AK3: variants seen among roughly 807,000 people sequenced by gnomAD.
AK3 encodes the protein GTP:AMP phosphotransferase AK3, mitochondrial.
In AK3, 27 loss-of-function variants were observed where a neutral mutation model predicts 23.7. The observed-to-expected ratio is 1.14, with a 90% confidence interval of 0.84 to 1.57. The LOEUF (loss-of-function observed/expected upper bound fraction) is 1.57, where lower values mean the gene tolerates loss of function less well. Among genes scored for constraint, AK3 ranks in the 40% most tolerant of loss-of-function variants. The probability of loss-of-function intolerance (pLI) is 0.00; values close to 1 mark genes in which losing one functional copy is unlikely to be tolerated. For synonymous variants in AK3, 159 were observed against 116.0 expected (o/e 1.37, Z -2.38); for missense variants, 406 against 285.6 (o/e 1.42, Z -3.04).
At chr9:4,713,993 TAC>T (rs1841637545) in intron 4 of AK3, among the ~76,000 whole-genome samples, 1 of 18,950 alleles carries the variant, frequency 5.3e-5, no homozygotes. Flanking sequence ...CCTACACATA[TAC>T]GCCTACACAT....
chr9:4,722,839 C>G (rs1204889208), intron 1 of AK3, among the ~76,000 whole-genome samples: 2 of 152,152 alleles, frequency 1.3e-5, no homozygotes, highest in Non-Finnish European at 2.9e-5. Context: ...GGTAGATCAC[C>G]TGAGGACAGG....
rs929401691 is a variant in AK3, at chr9:4,740,955, T to A, written c.133A>T (p.Asn45Tyr). The change falls in exon 1 of 5, where the codon AAC becomes TAC. Residue 45 changes from asparagine to tyrosine, a missense_variant. Transcript: ENST00000381809. ...HLSSGDLLRD[N>Y]MLRGTEIGVL... The stretch of plus-strand genomic sequence containing the variant: ...CTCCCACCTGTGCCCCGCAGCATGT[T>A]GTCCCGGAGCAGGTCCCCGCTGGAG... 6.4e-7 allele frequency: 1 copy of A among 1,574,732 alleles called. No individual in the cohort carries two copies. The highest frequency in any genetic ancestry group is 1.4e-5 in the African/African-American group (1 of 70,922).
chr9:4,713,960 A>C (rs1841633891), intron 4 of AK3, among the ~76,000 whole-genome samples: 1 of 151,820 alleles, frequency 6.6e-6, no homozygotes, highest in African/African-American at 2.4e-5. Flanking sequence ...GCCTACACAT[A>C]TACACACCTC....
At chr9:4,714,791 T>G (rs1004212549) in intron 4 of AK3, among the ~76,000 whole-genome samples, 4 of 152,250 alleles carry the variant, frequency 2.6e-5, no homozygotes, top group African/African-American at 9.6e-5. Context: ...TAAAAGGTTT[T>G]TTTTAAAACA....
At chr9:4,719,328 AAAG>A (rs759129226) in intron 2 of AK3, 21 bp from the exon 3 acceptor site, 4 of 1,550,320 alleles carry the variant, frequency 2.6e-6, no homozygotes, top group East Asian at 2.3e-5. Flanking sequence ...TAAAAAAGAA[AAAG>A]AAGAAGAAAA....
chr9:4,721,425 C>A (rs574594017), intron 2 of AK3, among the ~76,000 whole-genome samples: 3,568 of 123,074 alleles, frequency 0.029, 155 homozygotes, highest in African/African-American at 0.11. Context: ...AAAAAAAGTG[C>A]CTACTCCTCA....
At chr9:4,736,380 T>C (rs1481903999) in intron 1 of AK3, among the ~76,000 whole-genome samples, 2 of 151,778 alleles carry the variant, frequency 1.3e-5, no homozygotes, top group Non-Finnish European at 2.9e-5. Context: ...CATTTGATTG[T>C]ATAAGCATAA....
At chr9:4,736,114 C>CAAAA (rs771506489) in intron 1 of AK3, among the ~76,000 whole-genome samples, 1 of 49,112 alleles carries the variant, frequency 2.0e-5, no homozygotes, top group African/African-American at 7.3e-5. Context: ...GACTCCATCT[C>CAAAA]AAAAAAAAAA....
intron 1 of AK3, among the ~76,000 whole-genome samples, chr9:4,739,823 A>G (rs574991777): frequency 1.3e-5 from 2 of 151,960 alleles, no homozygotes; most frequent in Non-Finnish European, 2.9e-5. Context: ...CCCAGCTACT[A>G]GGGAGGCTGA....
Position 4,710,647 on chromosome 9 carries a change from A to G in AK3, c.*2329T>C, listed in dbSNP as rs950485050. The G allele has an allele frequency of 3.9e-5, 6 of 152,172 alleles. No individual in the cohort carries two copies. The highest frequency in any genetic ancestry group is 1.4e-4 in the African/African-American group (6 of 41,430). The allele number at this position is 152,172 out of a possible 1,614,324, so 9.4% of individuals were successfully genotyped here. On this transcript the variant is annotated 3_prime_UTR_variant, in exon 5 of 5. Coordinates refer to ENST00000381809, the MANE Select transcript of AK3 (RefSeq NM_016282.4). ...CAGAATTATTTTTTTGGGTGGGGGC[A>G]GTGGCTTACACCTGTAATCTCAGCA...
rs907270321 is a variant in AK3, at chr9:4,721,333, G to A, written c.271+1173C>T. Among the ~76,000 whole-genome samples the A allele has an allele frequency of 3.3e-5, 5 of 151,266 alleles. No homozygotes were observed. In the East Asian group the frequency reaches 9.8e-4, roughly 30 times the overall value. On this transcript the variant is annotated intron_variant, in intron 2 of 4. Transcript: ENST00000381809. ...CAGGAGAATCACTTGAACTGAGGAG[G>A]AAGAGGTTGCAGTGAGAGGAGATCG... is the stretch of plus-strand genomic sequence containing the variant.
intron 1 of AK3, among the ~76,000 whole-genome samples, chr9:4,734,686 C>G (rs1842229423): frequency 6.6e-6 from 1 of 152,162 alleles, no homozygotes; most frequent in African/African-American, 2.4e-5. Flanking sequence ...TAAAATTGTT[C>G]TTTAAGTTAT....
rs894211749 is a variant in AK3, at chr9:4,710,261, G to T, written c.*2715C>A. ...CTCCCTCTGTCGCCCAGGCTGGAGT[G>T]CAGTGGCACGATCTCAGCTCACTGC... On this transcript the variant is annotated 3_prime_UTR_variant, in exon 5 of 5. Coordinates refer to ENST00000381809, the MANE Select transcript of AK3 (RefSeq NM_016282.4). 3.9e-5 allele frequency: 6 copies of T among 152,274 alleles called. No individual in the cohort carries two copies. Among genetic ancestry groups the T allele is most frequent in the Non-Finnish European group, 5.9e-5 (4 of 68,132 alleles). 9.4% of individuals were successfully genotyped at this position (152,274 alleles called of 1,614,324 possible). A position where few individuals can be genotyped will look rare whatever the true frequency, so the allele number is the denominator to read the frequency against.
At chr9:4,740,825 A>T (rs1842411696) in intron 1 of AK3, 112 bp downstream of exon 1, 6 of 1,254,240 alleles carry the variant, frequency 4.8e-6, no homozygotes, top group Non-Finnish European at 5.2e-6. Flanking sequence ...GGGCGGCGGG[A>T]GGGAAATGCC....
At chr9:4,714,927 G>C (rs1351002311) in intron 4 of AK3, among the ~76,000 whole-genome samples, 1 of 152,136 alleles carries the variant, frequency 6.6e-6, no homozygotes, top group South Asian at 2.1e-4. Flanking sequence ...AGAATGAAAA[G>C]ACTGAATTCG....
Position 4,735,924 on chromosome 9 carries a change from G to A in AK3, c.151+5013C>T, listed in dbSNP as rs888681375. 3.3e-5 allele frequency among the ~76,000 whole-genome samples: 5 copies of A among 151,338 alleles called. No individual in the cohort carries two copies. In the East Asian group the frequency reaches 9.8e-4, roughly 30 times the overall value. ...GAGGTAGGAAGTTCGAGACCAGCCCGGCTAACATGGTGAAACCCCATCTCT... is the reference window on the plus strand; with the variant it reads ...GAGGTAGGAAGTTCGAGACCAGCCCAGCTAACATGGTGAAACCCCATCTCT... On this transcript the variant is annotated intron_variant, in intron 1 of 4. Coordinates refer to ENST00000381809, the MANE Select transcript of AK3 (RefSeq NM_016282.4).
At chr9:4,718,983 T>G in intron 3 of AK3, 152 bp downstream of exon 3, 2 of 840,192 alleles carry the variant, frequency 2.4e-6, no homozygotes, top group Non-Finnish European at 3.7e-6. Context: ...CCAAGCTCAG[T>G]GGACTTGATC....
intron 1 of AK3, among the ~76,000 whole-genome samples, chr9:4,734,145 C>G (rs904252604): frequency 1.3e-5 from 2 of 152,092 alleles, no homozygotes; most frequent in African/African-American, 2.4e-5. Context: ...TCCAATAAGC[C>G]TGGTGTCTTT....
chr9:4,724,944 G>C (rs1051996550), intron 1 of AK3, among the ~76,000 whole-genome samples: 1 of 150,926 alleles, frequency 6.6e-6, no homozygotes, highest in Non-Finnish European at 1.5e-5. Flanking sequence ...AAGGAATGAA[G>C]TTAGACCTCT....
Sources: gnomAD v4.1 joint callset for allele counts (sites outside exome capture counted in the v4.1 genomes callset) on GRCh38, gnomAD v4.1.1 for gene constraint, MANE v1.5 for transcripts, NCBI Gene and HGNC (gene_info 2026-07-23, HGNC 2026-07-21) for gene names.